The following CELF2 variants were observed in gnomAD, a reference collection of about 807,000 sequenced individuals.
CELF2 encodes the protein CUGBP Elav-like family member 2, also known as CUG triplet repeat RNA-binding protein 2.
A neutral mutation model predicts 62.6 loss-of-function variants in CELF2; 8 were observed. The ratio of observed to expected loss-of-function variants is 0.13; its 90% CI spans 0.07 to 0.23. The LOEUF (loss-of-function observed/expected upper bound fraction) is 0.23. Ranked by LOEUF, CELF2 falls within the 10% of genes least tolerant of loss-of-function variation. The pLI is 1.00. For synonymous variants in CELF2, 258 were observed against 250.0 expected (o/e 1.03, Z -0.30); for missense variants, 333 against 671.0 (o/e 0.50, Z 5.56).
At chr10:10,515,741 C>T in the CELF2 span, among the ~76,000 whole-genome samples, 32 of 152,282 alleles carry the variant, frequency 2.1e-4, no homozygotes, top group South Asian at 2.9e-3. Context: ...CCTCCTGTAT[C>T]GCCATTTAGT....
At chr10:11,007,832 C>A (rs748804092) in intron 1 of CELF2, among the ~76,000 whole-genome samples, 2 of 152,128 alleles carry the variant, frequency 1.3e-5, no homozygotes, top group Admixed American at 6.6e-5. Context: ...AAAGAAACGA[C>A]GTGGAAACCC....
At chr10:11,018,271 C>A in intron 1 of CELF2, 108 bp downstream of exon 1, 2 of 903,944 alleles carry the variant, frequency 2.2e-6, no homozygotes, top group Non-Finnish European at 3.1e-6. Flanking sequence ...GACTCGGCCG[C>A]TTCGGATCCG....
chr10:11,280,152 C>T lies in CELF2; in HGVS notation c.841+5032C>T, dbSNP rs568360909. ...GAGAGGGGCTGAGATGGGGAAAGGA[C>T]GGGGCACCCACATACCTCAGAAAAG... On this transcript the variant is annotated intron_variant, in intron 8 of 12. Transcript: ENST00000633077. The surrounding 1 kb of genome is among the most constrained non-coding windows in gnomAD (Gnocchi z 7.6). Among the ~76,000 whole-genome samples, 9 of 152,140 alleles carry T rather than the reference C, an allele frequency of 5.9e-5. No individual in the cohort carries two copies. Among genetic ancestry groups the T allele is most frequent in the African/African-American group, 1.4e-4 (6 of 41,508 alleles).
intron 1 of CELF2, among the ~76,000 whole-genome samples, chr10:11,067,981 TA>T (rs1467339792): frequency 6.6e-6 from 1 of 152,156 alleles, no homozygotes; most frequent in Non-Finnish European, 1.5e-5. Context: ...GATCACACAG[TA>T]GGGGATGGGG....
At chr10:10,977,084 T>A (rs1291667244) in intron 2 of CELF2, among the ~76,000 whole-genome samples, 1 of 149,638 alleles carries the variant, frequency 6.7e-6, no homozygotes, top group Non-Finnish European at 1.5e-5. Context: ...TTAGACCAAT[T>A]CTTGACAGCT....
At chr10:10,717,141 A>G in the CELF2 span, among the ~76,000 whole-genome samples, 1 of 152,222 alleles carries the variant, frequency 6.6e-6, no homozygotes, top group East Asian at 1.9e-4. Flanking sequence ...CCAATCAAAT[A>G]GAAACACAGC....
chr10:11,152,180 CCA>C (rs2063463918), intron 1 of CELF2, among the ~76,000 whole-genome samples: 2 of 152,108 alleles, frequency 1.3e-5, no homozygotes, highest in African/African-American at 4.8e-5. Context: ...AGGGGTGCAG[CCA>C]ATAGAGTTGC....
intron 2 of CELF2, among the ~76,000 whole-genome samples, chr10:10,962,997 CTGTTTTGTTTTGTTT>C (rs57417707): frequency 0.039 from 5,610 of 142,670 alleles, 197 homozygotes; most frequent in African/African-American, 0.099. Flanking sequence ...TAAGGAAATT[CTGTTTTGTTTTGTTT>C]TGTTTTGTTT....
At chr10:11,124,775 T>A (rs1373546033) in intron 1 of CELF2, among the ~76,000 whole-genome samples, 1 of 152,256 alleles carries the variant, frequency 6.6e-6, no homozygotes, top group Non-Finnish European at 1.5e-5. Context: ...CCAAAGTTGC[T>A]GAAAAGATTG....
chr10:10,573,971 T>TA, the CELF2 span, among the ~76,000 whole-genome samples: 5 of 151,984 alleles, frequency 3.3e-5, no homozygotes, highest in Non-Finnish European at 4.4e-5. Context: ...TCTTCTGGTT[T>TA]AAAAAAAATT....
intron 2 of CELF2, among the ~76,000 whole-genome samples, chr10:11,209,927 G>T (rs1378566410): frequency 2.0e-5 from 3 of 152,204 alleles, no homozygotes; most frequent in African/African-American, 7.2e-5. Flanking sequence ...AAGAAGCCAA[G>T]ATCCCAGTTG....
chr10:10,967,466 G>A (rs1323640387), intron 2 of CELF2, among the ~76,000 whole-genome samples: 7 of 151,998 alleles, frequency 4.6e-5, no homozygotes, highest in South Asian at 2.1e-4. Context: ...AGTAGGCATC[G>A]AGAGGGAAAT....
chr10:11,026,985 C>A (rs1266658709), intron 1 of CELF2, among the ~76,000 whole-genome samples: 1 of 152,148 alleles, frequency 6.6e-6, no homozygotes, highest in Non-Finnish European at 1.5e-5. Flanking sequence ...TTTGTCTGGG[C>A]CAGCTATATT....
At chr10:10,504,209 G>GT in the CELF2 span, among the ~76,000 whole-genome samples, 5 of 151,850 alleles carry the variant, frequency 3.3e-5, no homozygotes, top group African/African-American at 4.8e-5. Flanking sequence ...TTCTTTCATG[G>GT]TTTTTTTCCA....
At chr10:11,186,118 G>A (rs758907632) in intron 2 of CELF2, among the ~76,000 whole-genome samples, 32 of 152,206 alleles carry the variant, frequency 2.1e-4, no homozygotes, top group Middle Eastern at 3.4e-3. Flanking sequence ...TCATAAAACT[G>A]TGTATAATCC....
chr10:11,333,693 A>G lies in CELF2; in HGVS notation c.*4640A>G, dbSNP rs2096070240. The stretch of plus-strand genomic sequence containing the variant: ...TAGAATTACAAAATAGTTTTTAAAT[A>G]TTGTCTGAGAAAAGCCAAAGTTAAT... On this transcript the variant is annotated 3_prime_UTR_variant, in exon 13 of 13. Transcript: ENST00000633077. The G allele has an allele frequency of 6.6e-6, 1 of 152,588 alleles. No homozygotes were observed. Among genetic ancestry groups the G allele is most frequent in the Non-Finnish European group, 1.5e-5 (1 of 68,038 alleles). 9.5% of individuals were successfully genotyped at this position (152,588 alleles called of 1,614,324 possible). A position where few individuals can be genotyped will look rare whatever the true frequency, so the allele number is the denominator to read the frequency against.
At chr10:10,850,023 C>T (rs1259293989) in intron 1 of CELF2, among the ~76,000 whole-genome samples, 1 of 152,016 alleles carries the variant, frequency 6.6e-6, no homozygotes, top group African/African-American at 2.4e-5. Flanking sequence ...TGGCGGGTGC[C>T]TGTAATCCCA....
intron 1 of CELF2, among the ~76,000 whole-genome samples, chr10:10,841,325 T>C (rs548734899): frequency 9.6e-4 from 137 of 142,480 alleles, no homozygotes; most frequent in African/African-American, 3.3e-3. Context: ...CTTTCATATA[T>C]TGTGCATTTG....
chr10:10,574,135 C>T, the CELF2 span, among the ~76,000 whole-genome samples: 43 of 152,226 alleles, frequency 2.8e-4, no homozygotes, highest in African/African-American at 9.6e-4. Context: ...AATCCACTCT[C>T]TTAAATAAAG....
Sources: gnomAD v4.1 joint callset for allele counts (sites outside exome capture counted in the v4.1 genomes callset) on GRCh38, gnomAD v4.1.1 for gene constraint, Gnocchi (gnomAD v3.1) non-coding constraint, MANE v1.5 for transcripts, NCBI Gene and HGNC (gene_info 2026-07-23, HGNC 2026-07-21) for gene names.